The following ANO7 variants were observed in gnomAD, a reference collection of about 807,000 sequenced individuals.
ANO7 encodes the protein anoctamin 7.
A neutral mutation model predicts 115.8 loss-of-function variants in ANO7; 114 were observed. That is an observed-to-expected ratio of 0.98 (90% CI 0.85 to 1.15). The LOEUF (loss-of-function observed/expected upper bound fraction) is 1.15. ANO7 is among the 50% of genes most tolerant of loss of function. The pLI, the probability that ANO7 is intolerant of heterozygous loss-of-function variation, is 0.00. For missense variants in ANO7, 1,302 were observed against 1,201.2 expected, an observed-to-expected ratio of 1.08 and a Z score of -1.24; for synonymous variants, 550 against 498.2, an observed-to-expected ratio of 1.10 and a Z score of -1.38.
chr2:241,217,557 G>A, intron 19 of ANO7, 129 bp from the exon 20 acceptor site: 2 of 1,067,180 alleles, frequency 1.9e-6, no homozygotes, highest in South Asian at 3.1e-5. Context: ...GAGACCAGGA[G>A]GTGGGGGCGG....
intron 21 of ANO7, among the ~76,000 whole-genome samples, chr2:241,222,467 C>T (rs1188800809): frequency 1.3e-5 from 2 of 151,988 alleles, no homozygotes; most frequent in East Asian, 1.9e-4. Context: ...GTGGTCTCGT[C>T]GTCACTGTCT....
At chr2:241,205,977 GAC>G (rs72076030) in intron 10 of ANO7, among the ~76,000 whole-genome samples, 5 of 10,300 alleles carry the variant, frequency 4.9e-4, no homozygotes, top group Admixed American at 7.8e-4. Context: ...CTCCCAGGCT[GAC>G]ACAGGTGGAC....
intron 18 of ANO7, 66 bp from the exon 19 acceptor site, chr2:241,216,027 A>G: frequency 2.0e-6 from 3 of 1,530,402 alleles, no homozygotes; most frequent in East Asian, 2.3e-5. Flanking sequence ...ATCTCCCCCA[A>G]GGACTATAGC....
At position 241,218,456 on chromosome 2, in the gene ANO7, G is replaced by A. The variant is rs958153545; in HGVS notation, c.2321+75G>A. 18 of 1,214,508 alleles carry A rather than the reference G, an allele frequency of 1.5e-5. No homozygotes were observed. The African/African-American group carries it at 2.6e-4, about 17-fold the overall frequency. The allele number at this position is 1,214,508 out of a possible 1,614,324, so 75.2% of individuals were successfully genotyped here. A position where few individuals can be genotyped will look rare whatever the true frequency, so the allele number is the denominator to read the frequency against. ...GGAGCGGGGCTCGGGTGGGGTGGGG[G>A]TGCGGCGGTGGGGAGCCGGGAGGGG... On this transcript the variant is annotated intron_variant, in intron 21 of 24. Transcript: ENST00000674324.
rs1260813663 is a variant in ANO7, at chr2:241,190,141, C to A, written c.78C>A (p.Gly26=). The stretch of plus-strand genomic sequence containing the variant: ...GCCCCCCTGAGGCAGAGAAGAGGGG[C>A]TCTTACGGGAGCACAGCCCACGCCT... ...DVSPPEAEKR[G]SYGSTAHASE... The change falls in exon 2 of 25, where the codon GGC becomes GGA. Residue 26 remains glycine, a synonymous_variant. Transcript: ENST00000674324. The A allele has an allele frequency of 2.5e-6, 4 of 1,573,796 alleles. No individual in the cohort carries two copies. Among genetic ancestry groups the A allele is most frequent in the Non-Finnish European group, 2.6e-6 (3 of 1,159,798 alleles).
At chr2:241,211,789 G>A (rs773565922) in intron 15 of ANO7, among the ~76,000 whole-genome samples, 16 of 152,162 alleles carry the variant, frequency 1.1e-4, no homozygotes, top group Non-Finnish European at 1.8e-4. Flanking sequence ...AGCCCAGTCC[G>A]CTGCGCAGCC....
downstream of ANO7, chr2:241,230,384 T>C (rs904541300): frequency 1.9e-5 from 14 of 723,180 alleles, no homozygotes; most frequent in African/African-American, 2.3e-4. This position sits in a 1 kb window ranked among gnomAD's most constrained non-coding sequence, Gnocchi z 5.0. Flanking sequence ...TAAAATCTGG[T>C]TTCAGAGTTG....
chr2:241,209,284 G>T lies in ANO7; in HGVS notation c.1078-1G>T. ...CTGGACGCCCCCGCTCCCTGCCACA[G>T]GCCGGCCGGCTGTTCGACCACGGCG... On this transcript the variant is annotated splice_acceptor_variant, in intron 11 of 24. Coordinates refer to ENST00000674324, the MANE Select transcript of ANO7 (RefSeq NM_001370694.2). LOFTEE classifies it high-confidence loss of function. 2 of 1,551,510 alleles carry T rather than the reference G, an allele frequency of 1.3e-6. No homozygotes were observed. The highest frequency in any genetic ancestry group is 4.9e-5 in the East Asian group (2 of 41,146).
At chr2:241,217,556 A>C in intron 19 of ANO7, 130 bp from the exon 20 acceptor site, 1 of 1,043,908 alleles carries the variant, frequency 9.6e-7, no homozygotes, top group Non-Finnish European at 1.4e-6. Flanking sequence ...GGAGACCAGG[A>C]GGTGGGGGCG....
intron 3 of ANO7, among the ~76,000 whole-genome samples, chr2:241,193,014 C>A (rs916308450): frequency 6.6e-6 from 1 of 151,440 alleles, no homozygotes; most frequent in African/African-American, 2.4e-5. Context: ...GTACCAATGA[C>A]CTGTACACTT....
At position 241,190,143 on chromosome 2, in the gene ANO7, C is replaced by A; in HGVS notation, c.80C>A (p.Ser27Tyr). 1 of 1,572,528 alleles carries A rather than the reference C, an allele frequency of 6.4e-7. No homozygotes were observed. The highest frequency in any genetic ancestry group is 8.6e-7 in the Non-Finnish European group (1 of 1,159,066). ...CCCCCTGAGGCAGAGAAGAGGGGCTCTTACGGGAGCACAGCCCACGCCTCG... is the reference window on the plus strand; with the variant it reads ...CCCCCTGAGGCAGAGAAGAGGGGCTATTACGGGAGCACAGCCCACGCCTCG... ...VSPPEAEKRG[S>Y]YGSTAHASEP... Residue 27 changes from serine (S) to tyrosine (Y), a missense_variant, in exon 2 of 25, where the codon TCT (serine) becomes TAT (tyrosine). Ser to Tyr is a moderately radical substitution (Grantham distance 144). Coordinates refer to ENST00000674324, the MANE Select transcript of ANO7 (RefSeq NM_001370694.2).
intron 20 of ANO7, 89 bp from the exon 21 acceptor site, chr2:241,218,150 C>CGGG (rs1257771179): frequency 1.0e-5 from 2 of 198,280 alleles, no homozygotes; most frequent in Admixed American, 2.5e-3. Context: ...AGGGGCGGGG[C>CGGG]GGGGGGGCAG....
chr2:241,200,172 A>T lies in ANO7; in HGVS notation c.501A>T (p.Pro167=). The T allele has an allele frequency of 6.2e-7, 1 of 1,613,166 alleles. No homozygotes were observed. The highest frequency in any genetic ancestry group is 8.5e-7 in the Non-Finnish European group (1 of 1,180,012). ...GIPNVLLEVV[P]DVPPEYYSCR... ...CCAACGTCCTGCTGGAGGTTGTGCC[A>T]GACGTACCCCCCGAGTACTACTCCT... Residue 167 remains proline (P), a synonymous_variant, in exon 6 of 25, where the codon CCA becomes CCT. Transcript: ENST00000674324.
At position 241,214,817 on chromosome 2, in the gene ANO7, G is replaced by T; in HGVS notation, c.1741G>T (p.Gly581Cys). 1.9e-6 allele frequency: 3 copies of T among 1,612,016 alleles called. No homozygotes were observed. In the South Asian group the frequency reaches 3.3e-5, roughly 18 times the overall value. Residue 581 changes from glycine (G) to cysteine (C), a missense_variant, in exon 18 of 25, where the codon GGC becomes TGC. Coordinates refer to ENST00000674324, the MANE Select transcript of ANO7 (RefSeq NM_001370694.2). ...CCTGCTGCCGTAGTGCGCGGCTGGAGGCTGCCTGATCGAGCTGGCACAGGA... is the reference window on the plus strand; with the variant it reads ...CCTGCTGCCGTAGTGCGCGGCTGGATGCTGCCTGATCGAGCTGGCACAGGA... ...GVRNEECAAG[G>C]CLIELAQELL...
chr2:241,236,803 C>A, the ANO7 span: 1 of 1,607,934 alleles, frequency 6.2e-7, no homozygotes, highest in Non-Finnish European at 8.5e-7. Flanking sequence ...CAGCTGACAG[C>A]TGCTGGAAGA....
At chr2:241,217,573 G>A (rs1257584055) in intron 19 of ANO7, 113 bp from the exon 20 acceptor site, 1 of 1,248,052 alleles carries the variant, frequency 8.0e-7, no homozygotes. Flanking sequence ...GGCGGAATGA[G>A]CCGCGATGGG....
At chr2:241,211,213 G>A (rs557677831) in intron 15 of ANO7, among the ~76,000 whole-genome samples, 1 of 152,228 alleles carries the variant, frequency 6.6e-6, no homozygotes, top group Non-Finnish European at 1.5e-5. Flanking sequence ...AGGTCCCCCA[G>A]GTGGGAGATG....
the ANO7 span, among the ~76,000 whole-genome samples, chr2:241,237,067 G>C: frequency 6.7e-6 from 1 of 150,124 alleles, no homozygotes; most frequent in African/African-American, 2.5e-5. Flanking sequence ...GAAGCTAACA[G>C]CAACTAACTA....
At chr2:241,207,750 C>G in intron 11 of ANO7, 80 bp downstream of exon 11, 3 of 1,283,488 alleles carry the variant, frequency 2.3e-6, no homozygotes, top group Non-Finnish European at 2.2e-6. Flanking sequence ...GGTCCTGACT[C>G]TGCCTGCACC....
Sources: gnomAD v4.1 joint callset for allele counts (sites outside exome capture counted in the v4.1 genomes callset) on GRCh38, gnomAD v4.1.1 for gene constraint, Gnocchi (gnomAD v3.1) non-coding constraint, MANE v1.5 for transcripts, NCBI Gene and HGNC (gene_info 2026-07-23, HGNC 2026-07-21) for gene names.